Variants in GCC1 observed in about 807,000 individuals in gnomAD.
The protein encoded by GCC1 is GRIP and coiled-coil domain-containing protein 1.
A neutral mutation model predicts 62.5 loss-of-function variants in GCC1; 36 were observed. The ratio of observed to expected loss-of-function variants is 0.58; its 90% CI spans 0.44 to 0.76. GCC1 has a LOEUF of 0.76. GCC1 is among the 30% of genes least tolerant of loss of function. GCC1 has a pLI of 0.00. For synonymous variants in GCC1, 391 were observed against 386.8 expected (o/e 1.01, Z -0.13); for missense variants, 885 against 948.3 (o/e 0.93, Z 0.88).
rs1794186089 is a variant in GCC1, at chr7:127,585,131, G to C, written c.52C>G (p.Leu18Val). The C allele has an allele frequency of 1.9e-6, 3 of 1,610,734 alleles. No individual in the cohort carries two copies. Among genetic ancestry groups the C allele is most frequent in the Non-Finnish European group, 2.5e-6 (3 of 1,178,552 alleles). The change falls in exon 1 of 2, where the codon CTG becomes GTG. Residue 18 changes from leucine (L) to valine (V), a missense_variant. Coordinates refer to ENST00000321407, the MANE Select transcript of GCC1 (RefSeq NM_024523.6). ...TTCTTCTGGGTCTCTATAGTCTCCAGCAAGTCCTTCTTGCTCGGGCCGCCC... is the reference window on the plus strand; with the variant it reads ...TTCTTCTGGGTCTCTATAGTCTCCACCAAGTCCTTCTTGCTCGGGCCGCCC... ...FGGGPSKKDLLETIETQKKQL... is the reference protein window; with the variant it reads ...FGGGPSKKDLVETIETQKKQL...
In GCC1 at chr7:127,585,104, G is replaced by C. The variant is rs1358227527; in HGVS notation, c.79C>G (p.Gln27Glu). ...AGCCGTGCCTGGTACTGGAGAAGCT[G>C]CTTCTTCTGGGTCTCTATAGTCTCC... ...LLETIETQKKQLLQYQARLKD... is the reference protein window; with the variant it reads ...LLETIETQKKELLQYQARLKD... Residue 27 changes from glutamine to glutamate, a missense_variant, in exon 1 of 2, where the codon CAG (glutamine) becomes GAG (glutamate). Transcript: ENST00000321407. 1.9e-6 allele frequency: 3 copies of C among 1,614,076 alleles called. No individual in the cohort carries two copies. The highest frequency in any genetic ancestry group is 3.3e-5 in the Admixed American group (2 of 60,028).
rs1166858689 is a variant in GCC1 at position 127,581,926 on chromosome 7, A to T, written c.*88T>A. 1 of 1,002,514 alleles carries T rather than the reference A, an allele frequency of 1.0e-6. No individual in the cohort carries two copies. Among genetic ancestry groups the T allele is most frequent in the Non-Finnish European group, 1.5e-6 (1 of 665,212 alleles). 62.1% of individuals were successfully genotyped at this position (1,002,514 alleles called of 1,614,324 possible). On this transcript the variant is annotated 3_prime_UTR_variant, in exon 2 of 2. Transcript: ENST00000321407. The stretch of plus-strand genomic sequence containing the variant: ...TCAACACAGTGAAGAAATAAATGAC[A>T]ATGTAAGAGAAGAGGCAGCAGAAAC...
rs1562951860 is a variant in GCC1, at chr7:127,582,753, TTC to T, written c.1587_1588del (p.Lys530ValfsTer20). ...GCAGGAGAGCCGCAGGGAAATATAC[TTC>T]TCCTTCAGCTCTGCAAGCTGTTCCT... On this transcript the variant is annotated frameshift_variant, in exon 2 of 2. Transcript: ENST00000321407. LOFTEE classifies it high-confidence loss of function. This position sits in a 1 kb window ranked among gnomAD's most constrained non-coding sequence, Gnocchi z 4.8. The T allele has an allele frequency of 4.3e-6, 7 of 1,614,166 alleles. No individual in the cohort carries two copies. Among genetic ancestry groups the T allele is most frequent in the Non-Finnish European group, 5.9e-6 (7 of 1,180,032 alleles).
chr7:127,584,294 GGGTCAGCTGCTT>G lies in GCC1; in HGVS notation c.877_888del (p.Lys293_Thr296del), dbSNP rs762141300. ...TCACTTTTCAGCTCCTCCACCTCAC[GGGTCAGCTGCTT>G]GGTCTGCAGTTCAAATCCTTCCATC... On this transcript the variant is annotated inframe_deletion, in exon 1 of 2. Coordinates refer to ENST00000321407, the MANE Select transcript of GCC1 (RefSeq NM_024523.6). 1.9e-6 allele frequency: 3 copies of G among 1,613,484 alleles called. No individual in the cohort carries two copies. Among genetic ancestry groups the G allele is most frequent in the Non-Finnish European group, 2.5e-6 (3 of 1,179,940 alleles).
Position 127,585,157 on chromosome 7 carries a change from C to G in GCC1, c.26G>C (p.Gly9Ala), listed in dbSNP as rs1270125530. 6.2e-7 allele frequency: 1 copy of G among 1,604,828 alleles called. No individual in the cohort carries two copies. Among genetic ancestry groups the G allele is most frequent in the South Asian group, 1.1e-5 (1 of 90,302 alleles). The change falls in exon 1 of 2, where the codon GGG becomes GCG. Residue 9 changes from glycine (G) to alanine (A), a missense_variant. Physicochemically the swap from Gly to Ala is moderately conservative, Grantham distance 60. Transcript: ENST00000321407. MEKFGMNF[G>A]GGPSKKDLLE... ...CAAGTCCTTCTTGCTCGGGCCGCCC[C>G]CGAAATTCATCCCAAACTTCTCCAT...
chr7:127,583,294 CCTCTGCAAGAGCT>C lies in GCC1; in HGVS notation c.1035_1047del (p.Ala346IlefsTer9), dbSNP rs1159408671. The C allele has an allele frequency of 6.2e-7, 1 of 1,601,822 alleles. No individual in the cohort carries two copies. Among genetic ancestry groups the C allele is most frequent in the Non-Finnish European group, 8.5e-7 (1 of 1,172,734 alleles). On this transcript the variant is annotated frameshift_variant and splice_region_variant, in exon 2 of 2. Transcript: ENST00000321407. ...ACCTGAGATTGCTGACGGAGTTGAT[CCTCTGCAAGAGCT>C]GTCTGCAAAACAAGGGAACAGACAA...
Position 127,581,879 on chromosome 7 carries a change from CACATTGAAG to C in GCC1, c.*126_*134del, listed in dbSNP as rs1416982082. 9 of 702,664 alleles carry C rather than the reference CACATTGAAG, an allele frequency of 1.3e-5. No individual in the cohort carries two copies. Among genetic ancestry groups the C allele is most frequent in the Non-Finnish European group, 2.1e-5 (9 of 423,574 alleles). The allele number at this position is 702,664 out of a possible 1,614,324, so 43.5% of individuals were successfully genotyped here. ...TGGCATTTGGCAGAAAATCCCTTCC[CACATTGAAG>C]ACTCCTCCCAGCTCAACACAGTGAA... On this transcript the variant is annotated 3_prime_UTR_variant, in exon 2 of 2. Coordinates refer to ENST00000321407, the MANE Select transcript of GCC1 (RefSeq NM_024523.6).
Position 127,582,654 on chromosome 7 carries a change from T to A in GCC1, c.1688A>T (p.His563Leu), listed in dbSNP as rs761482078. The A allele has an allele frequency of 6.2e-7, 1 of 1,613,550 alleles. No individual in the cohort carries two copies. Among genetic ancestry groups the A allele is most frequent in the Admixed American group, 1.7e-5 (1 of 60,024 alleles). ...KQELARLQQLHRQELERCQLD... is the reference protein window; with the variant it reads ...KQELARLQQLLRQELERCQLD... ...CTGGCACCGCTCCAGCTCCTGCCGG[T>A]GGAGCTGCTGCAGCCGGGCCAGCTC... is the stretch of plus-strand genomic sequence containing the variant. Residue 563 changes from histidine (H) to leucine (L), a missense_variant, in exon 2 of 2, where the codon CAC becomes CTC. Physicochemically the swap from His to Leu is moderately conservative, Grantham distance 99 (BLOSUM62 -3). Coordinates refer to ENST00000321407, the MANE Select transcript of GCC1 (RefSeq NM_024523.6). This position sits in a 1 kb window ranked among gnomAD's most constrained non-coding sequence, Gnocchi z 4.8.
rs767752826 is a variant in GCC1, at chr7:127,584,936, C to A, written c.247G>T (p.Val83Leu). ...QLPGLTFPDSVDDRCSTHSED... is the reference protein window; with the variant it reads ...QLPGLTFPDSLDDRCSTHSED... Reference sequence around the variant, plus strand: ...CTGTGAGTGGAGCACCGGTCATCCACAGAGTCAGGAAAGGTGAGGCCTGGA... The same window carrying A: ...CTGTGAGTGGAGCACCGGTCATCCAAAGAGTCAGGAAAGGTGAGGCCTGGA... The change falls in exon 1 of 2, where the codon GTG (valine) becomes TTG (leucine). Residue 83 changes from valine to leucine, a missense_variant. Coordinates refer to ENST00000321407, the MANE Select transcript of GCC1 (RefSeq NM_024523.6). 2.0e-5 allele frequency: 32 copies of A among 1,614,074 alleles called. No homozygotes were observed. The highest frequency in any genetic ancestry group is 2.5e-5 in the Non-Finnish European group (29 of 1,180,052).
Position 127,585,594 on chromosome 7 carries a change from A to C in GCC1, c.-412T>G. 1 of 165,602 alleles carries C rather than the reference A, an allele frequency of 6.0e-6. No homozygotes were observed. The highest frequency in any genetic ancestry group is 1.3e-5 in the Non-Finnish European group (1 of 77,210). The allele number at this position is 165,602 out of a possible 1,614,324, so 10.3% of individuals were successfully genotyped here. A position where few individuals can be genotyped will look rare whatever the true frequency, so the allele number is the denominator to read the frequency against. On this transcript the variant is annotated 5_prime_UTR_variant, in exon 1 of 2. Coordinates refer to ENST00000321407, the MANE Select transcript of GCC1 (RefSeq NM_024523.6). ...ATCCTAACTAAAGCTGCCTGCCGAC[A>C]ACGGCGCTTCCGTGTCCGCTGGAAG...
At position 127,585,211 on chromosome 7, in the gene GCC1, A is replaced by G. The variant is rs765470922; in HGVS notation, c.-29T>C. ...GGGTCTGAACGGATTGCCCCACGTC[A>G]GCTTTCCAGCAGAACGGGAGAGGGC... On this transcript the variant is annotated 5_prime_UTR_variant, in exon 1 of 2. Transcript: ENST00000321407. 28 of 1,539,792 alleles carry G rather than the reference A, an allele frequency of 1.8e-5. No homozygotes were observed. In the South Asian group the frequency reaches 3.5e-4, roughly 19 times the overall value.
chr7:127,582,975 A>G lies in GCC1; in HGVS notation c.1367T>C (p.Val456Ala). 6.2e-7 allele frequency: 1 copy of G among 1,614,078 alleles called. No homozygotes were observed. The highest frequency in any genetic ancestry group is 8.5e-7 in the Non-Finnish European group (1 of 1,179,998). Reference sequence around the variant, plus strand: ...TATCTCCAGGTCACAGAGCTTCTCCACATCCAGGGTCACCTGGCTTTTCCT... The same window carrying G: ...TATCTCCAGGTCACAGAGCTTCTCCGCATCCAGGGTCACCTGGCTTTTCCT... The part of the protein sequence containing the change: ...AARKSQVTLD[V>A]EKLCDLEIMP... Residue 456 changes from valine to alanine, a missense_variant, in exon 2 of 2, where the codon GTG becomes GCG. Val to Ala is a moderately conservative substitution (Grantham distance 64). Coordinates refer to ENST00000321407, the MANE Select transcript of GCC1 (RefSeq NM_024523.6). This position sits in a 1 kb window ranked among gnomAD's most constrained non-coding sequence, Gnocchi z 4.8.
chr7:127,584,188 C>A lies in GCC1; in HGVS notation c.995G>T (p.Ser332Ile). ...CTGCTGTAACTGAGCCTGGAAATGG[C>A]TCTTAAGGCGGGCAGCCTCTTCCTG... is the stretch of plus-strand genomic sequence containing the variant. ...ELQEEAARLK[S>I]HFQAQLQQEM... Residue 332 changes from serine (S) to isoleucine (I), a missense_variant, in exon 1 of 2, where the codon AGC becomes ATC. Ser to Ile is a moderately radical substitution (Grantham distance 142). Coordinates refer to ENST00000321407, the MANE Select transcript of GCC1 (RefSeq NM_024523.6). 1 of 1,613,924 alleles carries A rather than the reference C, an allele frequency of 6.2e-7. No homozygotes were observed. Among genetic ancestry groups the A allele is most frequent in the Non-Finnish European group, 8.5e-7 (1 of 1,180,000 alleles).
In GCC1 at chr7:127,584,791, T is replaced by A; in HGVS notation, c.392A>T (p.Glu131Val). 1 of 1,614,186 alleles carries A rather than the reference T, an allele frequency of 6.2e-7. No homozygotes were observed. Among genetic ancestry groups the A allele is most frequent in the Non-Finnish European group, 8.5e-7 (1 of 1,180,022 alleles). ...PARGPPPPKS[E>V]EASWSESGVS... Reference sequence around the variant, plus strand: ...GCCACTCTCGGACCAACTGGCCTCTTCGGACTTTGGAGGTGGTGGTCCACG... The same window carrying A: ...GCCACTCTCGGACCAACTGGCCTCTACGGACTTTGGAGGTGGTGGTCCACG... The change falls in exon 1 of 2, where the codon GAA becomes GTA. Residue 131 changes from glutamate (E) to valine (V), a missense_variant. Glu to Val is a moderately radical substitution (Grantham distance 121, BLOSUM62 -2). Transcript: ENST00000321407.
Position 127,585,292 on chromosome 7 carries a change from G to C in GCC1, c.-110C>G. ...CAGCGAGCGGGCTGTCCGGCGGCGG[G>C]CCGCACACCTACTCCACCTAGTTAT... On this transcript the variant is annotated 5_prime_UTR_variant, in exon 1 of 2. Coordinates refer to ENST00000321407, the MANE Select transcript of GCC1 (RefSeq NM_024523.6). The C allele has an allele frequency of 9.8e-7, 1 of 1,019,192 alleles. No homozygotes were observed. Among genetic ancestry groups the C allele is most frequent in the Non-Finnish European group, 1.4e-6 (1 of 703,650 alleles). The allele number at this position is 1,019,192 out of a possible 1,614,324, so 63.1% of individuals were successfully genotyped here. A position where few individuals can be genotyped will look rare whatever the true frequency, so the allele number is the denominator to read the frequency against.
rs1562952400 is a variant in GCC1, at chr7:127,584,500, C to T, written c.683G>A (p.Arg228Gln). 22 of 1,614,026 alleles carry T rather than the reference C, an allele frequency of 1.4e-5. No homozygotes were observed. The highest frequency in any genetic ancestry group is 1.1e-4 in the African/African-American group (8 of 74,992). The change falls in exon 1 of 2, where the codon CGG becomes CAG. Residue 228 changes from arginine to glutamine, a missense_variant. Coordinates refer to ENST00000321407, the MANE Select transcript of GCC1 (RefSeq NM_024523.6). Reference sequence around the variant, plus strand: ...CCGATCATGCTGCTGCGTGATAAGCCGGGCTTTGGTTTCTGCTATTTGCTC... The same window carrying T: ...CCGATCATGCTGCTGCGTGATAAGCTGGGCTTTGGTTTCTGCTATTTGCTC... ...LQEQIAETKA[R>Q]LITQQHDRAQ...
Position 127,585,391 on chromosome 7 carries a change from C to T in GCC1, c.-209G>A. The T allele has an allele frequency of 1.8e-6, 1 of 570,686 alleles. No homozygotes were observed. The highest frequency in any genetic ancestry group is 3.0e-5 in the East Asian group (1 of 33,894). The allele number at this position is 570,686 out of a possible 1,614,324, so 35.4% of individuals were successfully genotyped here. A position where few individuals can be genotyped will look rare whatever the true frequency, so the allele number is the denominator to read the frequency against. ...CGGTCCCAGGCCCGGAGGGCTGGGGCGGATTCTACCCCGGAGGCGGGGCGA... is the reference window on the plus strand; with the variant it reads ...CGGTCCCAGGCCCGGAGGGCTGGGGTGGATTCTACCCCGGAGGCGGGGCGA... On this transcript the variant is annotated 5_prime_UTR_variant, in exon 1 of 2. Transcript: ENST00000321407.
chr7:127,582,243 G>A lies in GCC1; in HGVS notation c.2099C>T (p.Ala700Val). The A allele has an allele frequency of 6.2e-7, 1 of 1,614,192 alleles. No individual in the cohort carries two copies. Among genetic ancestry groups the A allele is most frequent in the East Asian group, 2.2e-5 (1 of 44,888 alleles). Residue 700 changes from alanine to valine, a missense_variant, in exon 2 of 2, where the codon GCA becomes GTA. Transcript: ENST00000321407. This position sits in a 1 kb window ranked among gnomAD's most constrained non-coding sequence, Gnocchi z 4.8. ...CTTTTCGATGTGGCTCTGCAGGGCT[G>A]CAACCTCCTCACGATGCCGTTCGCC... is the stretch of plus-strand genomic sequence containing the variant. ...EEGERHREEVAALQSHIEKNI... is the reference protein window; with the variant it reads ...EEGERHREEVVALQSHIEKNI...
At position 127,584,107 on chromosome 7, in the gene GCC1, C is replaced by T. The variant is rs369564480; in HGVS notation, c.1032+44G>A. On this transcript the variant is annotated intron_variant, in intron 1 of 1. Transcript: ENST00000321407. ...AGGAAAAAAACCCTAATATTTCTCA[C>T]TTCAGGTCAATGGCTGATGTTTGAA... is the stretch of plus-strand genomic sequence containing the variant. The T allele has an allele frequency of 6.4e-6, 10 of 1,558,022 alleles. No individual in the cohort carries two copies. The South Asian group carries it at 6.9e-5, about 11-fold the overall frequency.
Sources: allele counts gnomAD v4.1 joint callset, GRCh38; gene constraint gnomAD v4.1.1; non-coding constraint Gnocchi (gnomAD v3.1); transcripts MANE v1.5; gene names NCBI Gene and HGNC (gene_info 2026-07-23, HGNC 2026-07-21).